CTIF: variants seen among roughly 807,000 people sequenced by gnomAD.
The protein encoded by CTIF is CBP80/20-dependent translation initiation factor.
CTIF carries 21 observed loss-of-function variants against 66.0 expected under a neutral mutation model. That is an observed-to-expected ratio of 0.32 (90% CI 0.23 to 0.46). The LOEUF (loss-of-function observed/expected upper bound fraction) is 0.46. Ranked by LOEUF, CTIF falls within the 20% of genes least tolerant of loss-of-function variation. The pLI, the probability that CTIF is intolerant of heterozygous loss-of-function variation, is 1.00. For missense variants in CTIF, 739 were observed against 812.7 expected (o/e 0.91, Z 1.10); for synonymous variants, 345 against 326.4 (o/e 1.06, Z -0.62).
chr18:48,616,374 G>T (rs1379652146), intron 1 of CTIF, among the ~76,000 whole-genome samples: 1 of 152,238 alleles, frequency 6.6e-6, no homozygotes, highest in Non-Finnish European at 1.5e-5. Flanking sequence ...CCTGTGCCCA[G>T]CTGGGGAATA....
intron 1 of CTIF, among the ~76,000 whole-genome samples, chr18:48,548,455 C>CAGTA (rs1199728813): frequency 2.0e-5 from 3 of 152,252 alleles, no homozygotes; most frequent in Non-Finnish European, 2.9e-5. Context: ...TATCTACCTA[C>CAGTA]AGTACCCTGG....
At chr18:48,858,347 A>T (rs1413861028) in intron 11 of CTIF, among the ~76,000 whole-genome samples, 1 of 152,230 alleles carries the variant, frequency 6.6e-6, no homozygotes, top group African/African-American at 2.4e-5. Context: ...TGTGGGACTC[A>T]GTTTGTTTGT....
At chr18:48,768,451 C>T (rs760801803) in intron 9 of CTIF, among the ~76,000 whole-genome samples, 3 of 152,116 alleles carry the variant, frequency 2.0e-5, no homozygotes, top group Non-Finnish European at 2.9e-5. Context: ...GTGTGTGAAT[C>T]GGAGGTAGGT....
intron 9 of CTIF, among the ~76,000 whole-genome samples, chr18:48,813,956 C>T (rs965215405): frequency 5.3e-5 from 8 of 152,192 alleles, no homozygotes; most frequent in Admixed American, 4.6e-4. Context: ...CTAGTACTGA[C>T]AGATACTGTC....
chr18:48,771,553 A>AC (rs1910119556), intron 9 of CTIF, among the ~76,000 whole-genome samples: 1 of 151,688 alleles, frequency 6.6e-6, no homozygotes. Flanking sequence ...GCATGCCCTC[A>AC]CCCCCCACCC....
At chr18:48,643,968 C>T (rs1322431235) in intron 3 of CTIF, among the ~76,000 whole-genome samples, 2 of 152,148 alleles carry the variant, frequency 1.3e-5, no homozygotes, top group South Asian at 4.1e-4. Context: ...GAAGGCATCT[C>T]AGCATATTGT....
At chr18:48,848,982 C>T (rs2069138982) in intron 10 of CTIF, among the ~76,000 whole-genome samples, 1 of 152,214 alleles carries the variant, frequency 6.6e-6, no homozygotes, top group African/African-American at 2.4e-5. Flanking sequence ...CGTTCGAGGG[C>T]ACGGGAGGCT....
chr18:48,796,667 C>T (rs2067926758), intron 9 of CTIF, among the ~76,000 whole-genome samples: 1 of 152,214 alleles, frequency 6.6e-6, no homozygotes, highest in South Asian at 2.1e-4. Context: ...CCCCCACACT[C>T]AACCCCACAG....
In CTIF at chr18:48,724,924, T is replaced by G. The variant is rs148199884; in HGVS notation, c.584+13229T>G. On this transcript the variant is annotated intron_variant, in intron 7 of 11. Coordinates refer to ENST00000256413, the MANE Select transcript of CTIF (RefSeq NM_014772.3). ...CTTGTGTTGGCTTTGAACTCTGTCT[T>G]TCAGCTTCAAGGGGAGGATTTGGTG... 1.2e-3 allele frequency among the ~76,000 whole-genome samples: 176 copies of G among 152,364 alleles called. 1 individual carries two copies. Among genetic ancestry groups the G allele is most frequent in the Admixed American group, 3.4e-3 (52 of 15,306 alleles).
chr18:48,693,829 G>C (rs1876667041), intron 6 of CTIF, among the ~76,000 whole-genome samples: 2 of 152,196 alleles, frequency 1.3e-5, no homozygotes, highest in African/African-American at 4.8e-5. Flanking sequence ...TACAGCTGCA[G>C]AGCTGAGTCA....
intron 9 of CTIF, among the ~76,000 whole-genome samples, chr18:48,792,368 A>T (rs752961749): frequency 1.2e-4 from 18 of 152,172 alleles, no homozygotes; most frequent in Non-Finnish European, 2.4e-4. Context: ...GCTCACAAGG[A>T]CGAGATTAGC....
At position 48,582,499 on chromosome 18, in the gene CTIF, G is replaced by A. The variant is rs113002950; in HGVS notation, c.-28-37039G>A. The stretch of plus-strand genomic sequence containing the variant: ...GTCTTTGTTGCCTGCATAGGACCAC[G>A]TCATGCCCTCCTGCCTCAGGGTCCC... On this transcript the variant is annotated intron_variant, in intron 1 of 11. Coordinates refer to ENST00000256413, the MANE Select transcript of CTIF (RefSeq NM_014772.3). 6.3e-3 allele frequency among the ~76,000 whole-genome samples: 957 copies of A among 152,206 alleles called. 8 individuals are homozygous for A. Among genetic ancestry groups the A allele is most frequent in the African/African-American group, 0.022 (916 of 41,516 alleles).
At chr18:48,578,329 T>C (rs1164628175) in intron 1 of CTIF, among the ~76,000 whole-genome samples, 1 of 152,218 alleles carries the variant, frequency 6.6e-6, no homozygotes, top group Non-Finnish European at 1.5e-5. Context: ...TCTAATTCTC[T>C]TGGGTATATA....
At chr18:48,710,037 G>T (rs2092206561) in intron 6 of CTIF, among the ~76,000 whole-genome samples, 1 of 152,246 alleles carries the variant, frequency 6.6e-6, no homozygotes, top group Non-Finnish European at 1.5e-5. Flanking sequence ...TTACCTCTCT[G>T]GGAAGCTCCC....
chr18:48,625,357 A>G (rs2090575281), intron 2 of CTIF: 1 of 248,234 alleles, frequency 4.0e-6, no homozygotes. Flanking sequence ...CCCATAGTGC[A>G]CAAGAATTCA....
rs1568280781 is a variant in CTIF, at chr18:48,863,200, C to CAAA, written c.*3641_*3642insAAA. 1.7e-5 allele frequency: 2 copies of CAAA among 121,156 alleles called. No individual in the cohort carries two copies. The highest frequency in any genetic ancestry group is 6.7e-5 in the African/African-American group (2 of 29,828). The allele number at this position is 121,156 out of a possible 1,614,324, so 7.5% of individuals were successfully genotyped here. A position where few individuals can be genotyped will look rare whatever the true frequency, so the allele number is the denominator to read the frequency against. On this transcript the variant is annotated 3_prime_UTR_variant, in exon 12 of 12. Coordinates refer to ENST00000256413, the MANE Select transcript of CTIF (RefSeq NM_014772.3). ...ACAAGTGGGTTTAAAAAAATAAACA[C>CAAA]CACCACCAAAAACAAAATGCCCAGA...
intron 1 of CTIF, among the ~76,000 whole-genome samples, chr18:48,591,562 A>C (rs957127520): frequency 6.6e-6 from 1 of 152,204 alleles, no homozygotes; most frequent in African/African-American, 2.4e-5. Flanking sequence ...AAGAGAGTGC[A>C]GCTAAAGGCT....
intron 10 of CTIF, among the ~76,000 whole-genome samples, chr18:48,822,108 G>A (rs2337103): frequency 0.3 from 45,506 of 152,140 alleles, 8,010 homozygotes; most frequent in African/African-American, 0.49. Context: ...ATTTCATTTA[G>A]TAATGTCATC....
intron 1 of CTIF, among the ~76,000 whole-genome samples, chr18:48,593,185 G>A (rs1029699411): frequency 6.6e-6 from 1 of 152,210 alleles, no homozygotes; most frequent in African/African-American, 2.4e-5. Flanking sequence ...TGGCAGAAAT[G>A]CCCGGGAGAC....
Sources: allele counts gnomAD v4.1 joint callset (sites outside exome capture counted in the v4.1 genomes callset), GRCh38; gene constraint gnomAD v4.1.1; transcripts MANE v1.5; gene names NCBI Gene and HGNC (gene_info 2026-07-23, HGNC 2026-07-21).